SMC5: variants seen among roughly 807,000 people sequenced by gnomAD.
SMC5 encodes the protein structural maintenance of chromosomes 5, also known as structural maintenance of chromosomes protein 5.
Under a neutral mutation model 148.3 loss-of-function variants are expected in SMC5, and 88 were observed. That is an observed-to-expected ratio of 0.59 (90% CI 0.50 to 0.71). The LOEUF is 0.71. Among genes scored for constraint, SMC5 ranks in the 30% least tolerant of loss-of-function variants. The pLI is 0.00. For synonymous variants in SMC5, 421 were observed against 432.8 expected, an observed-to-expected ratio of 0.97 and a Z score of 0.34; for missense variants, 1,142 against 1,298.9, an observed-to-expected ratio of 0.88 and a Z score of 1.86.
intron 10 of SMC5, among the ~76,000 whole-genome samples, chr9:70,300,573 A>G (rs1176192954): frequency 6.6e-6 from 1 of 152,152 alleles, no homozygotes; most frequent in Non-Finnish European, 1.5e-5. Flanking sequence ...AAGGAAAAAA[A>G]CTAAGAGAAT....
Position 70,352,585 on chromosome 9 carries a change from A to T in SMC5, c.*254A>T. ...TCTGACCATGAGTCATTCAGTTCTC[A>T]TGTTAAAATGTACTTAATATTACAA... On this transcript the variant is annotated 3_prime_UTR_variant, in exon 25 of 25. Transcript: ENST00000361138. 1 of 362,560 alleles carries T rather than the reference A, an allele frequency of 2.8e-6. No homozygotes were observed. The highest frequency in any genetic ancestry group is 5.0e-6 in the Non-Finnish European group (1 of 201,718). The allele number at this position is 362,560 out of a possible 1,614,324, so 22.5% of individuals were successfully genotyped here.
chr9:70,346,507 A>G, intron 18 of SMC5, 98 bp from the exon 19 acceptor site: 1 of 1,155,822 alleles, frequency 8.7e-7, no homozygotes, highest in Non-Finnish European at 1.3e-6. Flanking sequence ...TTAGATTCTC[A>G]GGATGCTTTT....
chr9:70,305,048 T>C (rs555514293), intron 10 of SMC5, among the ~76,000 whole-genome samples, 199 bp from the exon 11 acceptor site: 12 of 152,314 alleles, frequency 7.9e-5, no homozygotes, highest in Non-Finnish European at 1.3e-4. Flanking sequence ...TCTTGGCCTT[T>C]GTTTAACCAT....
chr9:70,275,174 T>C (rs2034554277), intron 3 of SMC5, among the ~76,000 whole-genome samples: 1 of 152,162 alleles, frequency 6.6e-6, no homozygotes, highest in Non-Finnish European at 1.5e-5. Context: ...GACAGGTCTC[T>C]TTTCTCATAT....
At position 70,259,036 on chromosome 9, in the gene SMC5, A is replaced by G. The variant is rs1373929089; in HGVS notation, c.-43A>G. On this transcript the variant is annotated 5_prime_UTR_variant, in exon 1 of 25. Coordinates refer to ENST00000361138, the MANE Select transcript of SMC5 (RefSeq NM_015110.4). ...GGCGCTTGGGCGCCTGGGCTGCCGG[A>G]CGGTGGGAACGGAAGTCGCTGTGGG... 1 of 1,544,638 alleles carries G rather than the reference A, an allele frequency of 6.5e-7. No individual in the cohort carries two copies. Among genetic ancestry groups the G allele is most frequent in the East Asian group, 2.4e-5 (1 of 41,880 alleles).
intron 2 of SMC5, among the ~76,000 whole-genome samples, chr9:70,265,345 GCTA>G (rs941297009): frequency 1.8e-4 from 27 of 152,270 alleles, no homozygotes; most frequent in African/African-American, 6.5e-4. Context: ...TGTAATCCCA[GCTA>G]CTAGGGAGGC....
In SMC5 at chr9:70,268,604, G is replaced by GT. The variant is rs886561370; in HGVS notation, c.380+642dup. On this transcript the variant is annotated intron_variant, in intron 3 of 24. Transcript: ENST00000361138. ...TTTTTCACAAATTTAAAGTATCTGG[G>GT]TTTTTTTTTTTTTGCTGATCTTGAA... Among the ~76,000 whole-genome samples, 401 of 141,898 alleles carry GT rather than the reference G, an allele frequency of 2.8e-3. 1 individual carries two copies. The highest frequency in any genetic ancestry group is 7.2e-3 in the Middle Eastern group (2 of 278). The allele number at this position is 141,898 out of a possible 152,430, so 93.1% of individuals were successfully genotyped here.
chr9:70,347,337 C>A (rs1384733401), intron 20 of SMC5, among the ~76,000 whole-genome samples, 176 bp downstream of exon 20: 1 of 152,154 alleles, frequency 6.6e-6, no homozygotes, highest in Non-Finnish European at 1.5e-5. Context: ...GATTCTGAAT[C>A]TATTAGAATT....
At chr9:70,307,399 T>C (rs187384380) in intron 11 of SMC5, among the ~76,000 whole-genome samples, 1 of 152,392 alleles carries the variant, frequency 6.6e-6, no homozygotes, top group East Asian at 1.9e-4. Context: ...CTGTGTTTAT[T>C]AGTTAGCATT....
chr9:70,283,649 T>A lies in SMC5; in HGVS notation c.981+1066T>A, dbSNP rs545339283. On this transcript the variant is annotated intron_variant, in intron 7 of 24. Coordinates refer to ENST00000361138, the MANE Select transcript of SMC5 (RefSeq NM_015110.4). ...ACCTTTGTGTACTGTATACCCCTGA[T>A]GTTGGCCACTGTGCTTGAAGATGGG... Among the ~76,000 whole-genome samples the A allele has an allele frequency of 3.3e-5, 5 of 152,250 alleles. No homozygotes were observed. In the South Asian group the frequency reaches 8.3e-4, roughly 25 times the overall value.
chr9:70,306,230 GA>G (rs911423957), intron 11 of SMC5, among the ~76,000 whole-genome samples: 1 of 152,098 alleles, frequency 6.6e-6, no homozygotes, highest in African/African-American at 2.4e-5. Flanking sequence ...GTTAGGTTTA[GA>G]TTTTTTTTGT....
intron 17 of SMC5, among the ~76,000 whole-genome samples, chr9:70,339,571 A>G (rs911339422): frequency 3.9e-5 from 6 of 151,980 alleles, no homozygotes; most frequent in Non-Finnish European, 2.9e-5. Context: ...TATCTATCTC[A>G]TCTGTTCCTG....
intron 2 of SMC5, among the ~76,000 whole-genome samples, chr9:70,264,765 G>T (rs539023503): frequency 6.6e-6 from 1 of 152,268 alleles, no homozygotes; most frequent in East Asian, 1.9e-4. Flanking sequence ...CCAGTCATAT[G>T]TTGCTTAATG....
At chr9:70,287,177 T>C (rs900424844) in intron 8 of SMC5, among the ~76,000 whole-genome samples, 1 of 152,202 alleles carries the variant, frequency 6.6e-6, no homozygotes, top group Non-Finnish European at 1.5e-5. Flanking sequence ...ATTTGTAGTA[T>C]CCTGTTTTTG....
chr9:70,265,938 T>C (rs997206895), intron 2 of SMC5, among the ~76,000 whole-genome samples: 32 of 152,136 alleles, frequency 2.1e-4, no homozygotes, highest in African/African-American at 7.5e-4. Context: ...TCAATAATAG[T>C]AGACCAGTCA....
At chr9:70,271,217 AATT>A (rs2034442834) in intron 3 of SMC5, among the ~76,000 whole-genome samples, 1 of 152,136 alleles carries the variant, frequency 6.6e-6, no homozygotes, top group Non-Finnish European at 1.5e-5. Context: ...TCATAATGTA[AATT>A]ATTCAAATTG....
Position 70,350,094 on chromosome 9 carries a change from A to C in SMC5, c.2890-20A>C, listed in dbSNP as rs190254699. ...TACCAGAGGAAACTCATTTTTCATC[A>C]CTTTTTAAATGTTTTATAGGAAGAT... On this transcript the variant is annotated intron_variant, in intron 22 of 24. Coordinates refer to ENST00000361138, the MANE Select transcript of SMC5 (RefSeq NM_015110.4). 4.5e-5 allele frequency: 70 copies of C among 1,541,052 alleles called. No homozygotes were observed. The highest frequency in any genetic ancestry group is 5.6e-5 in the Non-Finnish European group (64 of 1,134,486).
intron 3 of SMC5, among the ~76,000 whole-genome samples, chr9:70,272,180 A>G (rs2034467132): frequency 6.6e-6 from 1 of 152,190 alleles, no homozygotes; most frequent in Admixed American, 6.5e-5. Context: ...GAGGACTCCA[A>G]GATGTCTGGC....
At chr9:70,323,920 A>G (rs2036011642) in intron 16 of SMC5, 101 bp from the exon 17 acceptor site, 48 of 1,146,410 alleles carry the variant, frequency 4.2e-5, no homozygotes, top group Middle Eastern at 3.1e-4. Flanking sequence ...TAGGAAAATT[A>G]TTTTTTCATG....
Sources: gnomAD v4.1 joint callset for allele counts (sites outside exome capture counted in the v4.1 genomes callset) on GRCh38, gnomAD v4.1.1 for gene constraint, MANE v1.5 for transcripts, NCBI Gene and HGNC (gene_info 2026-07-23, HGNC 2026-07-21) for gene names.